FGF10: variants seen among roughly 807,000 people sequenced by gnomAD.
FGF10 encodes FGF-10.
A neutral mutation model predicts 19.8 loss-of-function variants in FGF10; 2 were observed. The observed-to-expected ratio is 0.10, with a 90% CI of 0.04 to 0.32. FGF10 has a LOEUF of 0.32. FGF10 is among the 10% of genes least tolerant of loss of function. The pLI, the probability that FGF10 is intolerant of heterozygous loss-of-function variation, is 1.00. For missense variants in FGF10, 191 were observed against 246.3 expected (o/e 0.78, Z 1.50); for synonymous variants, 112 against 94.0 (o/e 1.19, Z -1.10).
intron 1 of FGF10, among the ~76,000 whole-genome samples, chr5:44,333,252 C>A (rs1740777441): frequency 1.3e-5 from 2 of 152,102 alleles, no homozygotes; most frequent in African/African-American, 4.8e-5. Flanking sequence ...GTTGGTGGAA[C>A]ACTGAGTATA....
At chr5:44,353,518 G>T (rs1012685750) in intron 1 of FGF10, among the ~76,000 whole-genome samples, 1 of 151,298 alleles carries the variant, frequency 6.6e-6, no homozygotes, top group African/African-American at 2.4e-5. Context: ...TTTTTAAATT[G>T]CGTCAAGCCC....
intron 1 of FGF10, among the ~76,000 whole-genome samples, chr5:44,373,754 ACCT>A (rs1398466908): frequency 6.6e-6 from 1 of 152,120 alleles, no homozygotes; most frequent in African/African-American, 2.4e-5. Context: ...TGTGCCTCAC[ACCT>A]CCTCCTAAAT....
chr5:44,355,179 A>G (rs1741318920), intron 1 of FGF10, among the ~76,000 whole-genome samples: 1 of 151,478 alleles, frequency 6.6e-6, no homozygotes, highest in African/African-American at 2.4e-5. Flanking sequence ...AAAGAAGACA[A>G]TTTGATTCAC....
At chr5:44,386,826 G>A (rs939447502) in intron 1 of FGF10, among the ~76,000 whole-genome samples, 6 of 152,156 alleles carry the variant, frequency 3.9e-5, no homozygotes, top group Non-Finnish European at 8.8e-5. Context: ...AGTTAATGTT[G>A]AATGTGTGTG....
intron 1 of FGF10, among the ~76,000 whole-genome samples, chr5:44,387,892 C>T (rs1742139296): frequency 6.6e-6 from 1 of 152,040 alleles, no homozygotes; most frequent in Non-Finnish European, 1.5e-5. Flanking sequence ...CTATAATTGA[C>T]AGCGGATAAT....
chr5:44,313,079 A>G (rs1740249993), intron 1 of FGF10, among the ~76,000 whole-genome samples: 1 of 152,068 alleles, frequency 6.6e-6, no homozygotes, highest in Non-Finnish European at 1.5e-5. Context: ...CAAGCTTAAA[A>G]AGGTTTAGCT....
intron 1 of FGF10, among the ~76,000 whole-genome samples, chr5:44,376,507 A>AC (rs1741863493): frequency 7.3e-6 from 1 of 137,176 alleles, no homozygotes; most frequent in African/African-American, 2.6e-5. Flanking sequence ...AAAAAAAAAA[A>AC]AAAAAAAAAA....
At chr5:44,336,586 A>C (rs1740858635) in intron 1 of FGF10, among the ~76,000 whole-genome samples, 1 of 152,150 alleles carries the variant, frequency 6.6e-6, no homozygotes, top group Admixed American at 6.6e-5. Context: ...GAAAGACCAT[A>C]TAGAGCAATG....
intron 1 of FGF10, among the ~76,000 whole-genome samples, chr5:44,367,118 A>G (rs1741633355): frequency 6.6e-6 from 1 of 152,076 alleles, no homozygotes; most frequent in Non-Finnish European, 1.5e-5. Flanking sequence ...AAACTGAAAG[A>G]ACTGATAGAA....
intron 1 of FGF10, among the ~76,000 whole-genome samples, chr5:44,377,346 G>C (rs1741889339): frequency 6.6e-6 from 1 of 151,914 alleles, no homozygotes; most frequent in South Asian, 2.1e-4. Context: ...ATGCTTTAAG[G>C]GTATGAGCCA....
At chr5:44,385,871 C>A (rs1298865214) in intron 1 of FGF10, among the ~76,000 whole-genome samples, 1 of 152,142 alleles carries the variant, frequency 6.6e-6, no homozygotes, top group Non-Finnish European at 1.5e-5. Flanking sequence ...GAAATTAAGG[C>A]TTTTTCAATC....
chr5:44,383,147 C>T (rs1263828011), intron 1 of FGF10, among the ~76,000 whole-genome samples: 2 of 152,004 alleles, frequency 1.3e-5, no homozygotes, highest in East Asian at 1.9e-4. Context: ...GAGCTGTCAA[C>T]TTTTTTTCAA....
intron 1 of FGF10, among the ~76,000 whole-genome samples, chr5:44,336,124 A>G (rs1740843767): frequency 2.0e-5 from 3 of 152,038 alleles, no homozygotes; most frequent in Admixed American, 2.0e-4. Context: ...AATTTTCATC[A>G]GTATTTCATT....
intron 1 of FGF10, among the ~76,000 whole-genome samples, chr5:44,351,090 G>A (rs374697360): frequency 6.6e-6 from 1 of 151,488 alleles, no homozygotes; most frequent in African/African-American, 2.4e-5. Flanking sequence ...AGTTTAGCCC[G>A]CATTAAAATT....
rs1740016782 is a variant in FGF10 at position 44,303,960 on chromosome 5, G to C, written c.*1035C>G. ...AGGCTAGGCTATTTAAATGTATTTA[G>C]CAATTAATTTTCCTTTTTTTAGTAT... On this transcript the variant is annotated 3_prime_UTR_variant, in exon 3 of 3. Coordinates refer to ENST00000264664, the MANE Select transcript of FGF10 (RefSeq NM_004465.2). The C allele has an allele frequency of 6.6e-6, 1 of 151,908 alleles. No individual in the cohort carries two copies. Among genetic ancestry groups the C allele is most frequent in the Admixed American group, 6.6e-5 (1 of 15,184 alleles). 9.4% of individuals were successfully genotyped at this position (151,908 alleles called of 1,614,324 possible). A position where few individuals can be genotyped will look rare whatever the true frequency, so the allele number is the denominator to read the frequency against.
intron 1 of FGF10, among the ~76,000 whole-genome samples, chr5:44,313,357 A>T (rs746308975): frequency 1.3e-5 from 2 of 152,028 alleles, no homozygotes; most frequent in Non-Finnish European, 2.9e-5. Context: ...TTTGGTGAGG[A>T]TGATCAAGTT....
At chr5:44,374,382 T>G (rs1165279638) in intron 1 of FGF10, among the ~76,000 whole-genome samples, 3 of 152,140 alleles carry the variant, frequency 2.0e-5, no homozygotes, top group African/African-American at 7.2e-5. Context: ...TACAGTAACA[T>G]TCACAGGTTC....
chr5:44,367,327 C>T (rs932030349), intron 1 of FGF10, among the ~76,000 whole-genome samples: 6 of 151,704 alleles, frequency 4.0e-5, no homozygotes, highest in African/African-American at 1.5e-4. Context: ...TTTTTTTGTT[C>T]TTTATGTAGG....
Position 44,304,646 on chromosome 5 carries a change from C to T in FGF10, c.*349G>A, listed in dbSNP as rs1163759452. 3 of 271,332 alleles carry T rather than the reference C, an allele frequency of 1.1e-5. No individual in the cohort carries two copies. The highest frequency in any genetic ancestry group is 2.1e-5 in the Non-Finnish European group (3 of 139,770). The allele number at this position is 271,332 out of a possible 1,614,324, so 16.8% of individuals were successfully genotyped here. ...TTCCATAAATAACTTTCCCGAAGAT[C>T]GTTCTTTCAACAGATTGTTCTATGT... On this transcript the variant is annotated 3_prime_UTR_variant, in exon 3 of 3. Coordinates refer to ENST00000264664, the MANE Select transcript of FGF10 (RefSeq NM_004465.2).
Sources: allele counts gnomAD v4.1 joint callset (sites outside exome capture counted in the v4.1 genomes callset), GRCh38; gene constraint gnomAD v4.1.1; transcripts MANE v1.5; gene names NCBI Gene and HGNC (gene_info 2026-07-23, HGNC 2026-07-21).